The following KMT2C variants were observed in gnomAD, a reference collection of about 807,000 sequenced individuals.
KMT2C encodes the protein lysine methyltransferase 2C.
Under a neutral mutation model 507.9 loss-of-function variants are expected in KMT2C, and 88 were observed. The observed-to-expected ratio is 0.17, with a 90% CI of 0.15 to 0.21. The LOEUF (loss-of-function observed/expected upper bound fraction) is 0.21. Ranked by LOEUF, KMT2C falls within the 10% of genes least tolerant of loss-of-function variation. KMT2C has a pLI of 1.00. For missense variants in KMT2C, 4,954 were observed against 5,957.8 expected (o/e 0.83, Z 5.55); for synonymous variants, 2,049 against 2,080.8 (o/e 0.98, Z 0.42).
chr7:152,274,291 T>G (rs2096036528), intron 6 of KMT2C, among the ~76,000 whole-genome samples: 3 of 152,108 alleles, frequency 2.0e-5, no homozygotes, highest in Non-Finnish European at 4.4e-5. Context: ...TTTTTTACCC[T>G]GCCTAAAAAT....
chr7:152,281,502 T>C (rs1390269730), intron 6 of KMT2C, among the ~76,000 whole-genome samples: 1 of 152,034 alleles, frequency 6.6e-6, no homozygotes, highest in Non-Finnish European at 1.5e-5. Flanking sequence ...AAGGCAGAGG[T>C]AGGTGGATCA....
chr7:152,185,039 G>A (rs923435313), intron 34 of KMT2C, among the ~76,000 whole-genome samples: 1 of 152,152 alleles, frequency 6.6e-6, no homozygotes, highest in African/African-American at 2.4e-5. Context: ...TTACAGGTGT[G>A]GGTCACTGTG....
intron 2 of KMT2C, among the ~76,000 whole-genome samples, chr7:152,349,673 C>A (rs2097094523): frequency 6.6e-6 from 1 of 151,730 alleles, no homozygotes; most frequent in Non-Finnish European, 1.5e-5. Context: ...AGGTGGAACA[C>A]CTATTAATTT....
intron 1 of KMT2C, among the ~76,000 whole-genome samples, chr7:152,373,153 AG>A (rs1257335838): frequency 6.6e-6 from 1 of 152,180 alleles, no homozygotes; most frequent in African/African-American, 2.4e-5. Context: ...CAACAAATGC[AG>A]AAAAAAAACA....
chr7:152,394,956 A>AT (rs2116573370), intron 1 of KMT2C, among the ~76,000 whole-genome samples: 1 of 152,246 alleles, frequency 6.6e-6, no homozygotes, highest in South Asian at 2.1e-4. Flanking sequence ...GGTTTAATGC[A>AT]TTTTTAATTA....
chr7:152,226,219 C>CTTTTTTTTTTTTTTTTTTTTTTTTTTTTT (rs869076803), intron 18 of KMT2C, among the ~76,000 whole-genome samples: 3 of 94,958 alleles, frequency 3.2e-5, no homozygotes, highest in Admixed American at 1.1e-4. Flanking sequence ...ATTACAAGGC[C>CTTTTTTTTTTTTTTTTTTTTTTTTTTTTT]TTTTTTTTTT....
intron 23 of KMT2C, among the ~76,000 whole-genome samples, chr7:152,212,323 C>A (rs2094473555): frequency 6.6e-6 from 1 of 152,172 alleles, no homozygotes; most frequent in Non-Finnish European, 1.5e-5. Context: ...CAAAAACAAA[C>A]CTACAACAGG....
At position 152,138,303 on chromosome 7, in the gene KMT2C, T is replaced by G. The variant is rs2090117752; in HGVS notation, c.14643+493A>C. On this transcript the variant is annotated intron_variant, in intron 58 of 58. Transcript: ENST00000262189. The surrounding 1 kb of genome is among the most constrained non-coding windows in gnomAD (Gnocchi z 4.2). ...AACCCACACCTGAACTGCTGAAGAA[T>G]GTGGCGATGTGGGCACTTGGTTAAG... 6.5e-6 allele frequency: 1 copy of G among 154,494 alleles called. No homozygotes were observed. Among genetic ancestry groups the G allele is most frequent in the Admixed American group, 6.3e-5 (1 of 15,792 alleles). The allele number at this position is 154,494 out of a possible 1,614,324, so 9.6% of individuals were successfully genotyped here. A position where few individuals can be genotyped will look rare whatever the true frequency, so the allele number is the denominator to read the frequency against.
chr7:152,333,111 G>A (rs752567565), intron 2 of KMT2C, among the ~76,000 whole-genome samples: 1 of 152,046 alleles, frequency 6.6e-6, no homozygotes, highest in Non-Finnish European at 1.5e-5. Context: ...TATAGGTACA[G>A]CCCTCTATAC....
chr7:152,290,169 G>C (rs2096386036), intron 6 of KMT2C, among the ~76,000 whole-genome samples: 1 of 141,532 alleles, frequency 7.1e-6, no homozygotes, highest in African/African-American at 2.6e-5. Flanking sequence ...ATCATATATG[G>C]GTAAAAGATC....
intron 1 of KMT2C, among the ~76,000 whole-genome samples, chr7:152,426,191 T>G (rs1043241378): frequency 6.7e-6 from 1 of 150,290 alleles, no homozygotes; most frequent in Non-Finnish European, 1.5e-5. Flanking sequence ...CACCCCACTA[T>G]CCCCGCCTCC....
chr7:152,433,714 CA>C (rs1338992818), intron 1 of KMT2C, among the ~76,000 whole-genome samples: 1 of 152,186 alleles, frequency 6.6e-6, no homozygotes, highest in African/African-American at 2.4e-5. Context: ...TTATCTTCTC[CA>C]AAGGCTGCCT....
At chr7:152,284,467 G>C (rs2096266169) in intron 6 of KMT2C, among the ~76,000 whole-genome samples, 1 of 152,014 alleles carries the variant, frequency 6.6e-6, no homozygotes, top group East Asian at 1.9e-4. Context: ...AACCATAAAT[G>C]GATTTTTTAA....
chr7:152,282,296 CAA>C (rs1299162491), intron 6 of KMT2C, among the ~76,000 whole-genome samples: 32 of 102,566 alleles, frequency 3.1e-4, no homozygotes, highest in Admixed American at 5.3e-4. Context: ...GACCTTGTCT[CAA>C]AAAAAAAAAA....
intron 1 of KMT2C, among the ~76,000 whole-genome samples, chr7:152,435,349 G>C (rs1022591476): frequency 1.3e-5 from 2 of 151,944 alleles, no homozygotes; most frequent in African/African-American, 4.8e-5. Flanking sequence ...GAGTCGCGGA[G>C]AAGACCCAGT....
chr7:152,247,066 T>C (rs1027799883), intron 14 of KMT2C, among the ~76,000 whole-genome samples: 2 of 152,126 alleles, frequency 1.3e-5, no homozygotes, highest in South Asian at 4.1e-4. Flanking sequence ...AAAACTTAAC[T>C]TGAAGCAATT....
At chr7:152,351,916 G>C (rs2097113994) in intron 2 of KMT2C, among the ~76,000 whole-genome samples, 3 of 152,122 alleles carry the variant, frequency 2.0e-5, no homozygotes, top group African/African-American at 7.2e-5. Context: ...GAGCATGTGT[G>C]TTTGAACTAT....
At chr7:152,224,767 G>C (rs1157178366) in intron 18 of KMT2C, 151 bp from the exon 19 acceptor site, 1 of 595,260 alleles carries the variant, frequency 1.7e-6, no homozygotes, top group African/African-American at 1.9e-5. Flanking sequence ...CCCAATACTG[G>C]GTTGGGCATG....
At chr7:152,267,274 ATTCTTC>A in intron 7 of KMT2C, among the ~76,000 whole-genome samples, 1 of 152,208 alleles carries the variant, frequency 6.6e-6, no homozygotes, top group South Asian at 2.1e-4. Flanking sequence ...CCAAACCTTT[ATTCTTC>A]AAGTCTTACT....
Sources: allele counts gnomAD v4.1 joint callset (sites outside exome capture counted in the v4.1 genomes callset), GRCh38; gene constraint gnomAD v4.1.1; non-coding constraint Gnocchi (gnomAD v3.1); transcripts MANE v1.5; gene names NCBI Gene and HGNC (gene_info 2026-07-23, HGNC 2026-07-21).